The following TMEM91 variants were observed in gnomAD, a reference collection of about 807,000 sequenced individuals.
TMEM91 encodes transmembrane protein 91, also known as dispanin subfamily C member 3.
A neutral mutation model predicts 13.3 loss-of-function variants in TMEM91; 6 were observed. The ratio of observed to expected loss-of-function variants is 0.45; its 90% CI spans 0.25 to 0.89. The LOEUF (loss-of-function observed/expected upper bound fraction) is 0.89, where lower values mean the gene tolerates loss of function less well. Ranked by LOEUF, TMEM91 falls within the 40% of genes least tolerant of loss-of-function variation. The pLI, the probability that TMEM91 is intolerant of heterozygous loss-of-function variation, is 0.19. For missense variants in TMEM91, 193 were observed against 228.7 expected (o/e 0.84, Z 1.01); for synonymous variants, 87 against 101.7 (o/e 0.86, Z 0.87).
intron 3 of TMEM91, 82 bp from the exon 4 acceptor site, chr19:41,383,633 G>T (rs756259847): frequency 1.2e-6 from 2 of 1,613,980 alleles, no homozygotes; most frequent in Admixed American, 1.7e-5. Flanking sequence ...GAATGAATGG[G>T]TATGTTGGGT....
In TMEM91 at chr19:41,382,921, GGTCA is replaced by G; in HGVS notation, c.360+4_360+7del. The G allele has an allele frequency of 6.2e-7, 1 of 1,614,052 alleles. No homozygotes were observed. The highest frequency in any genetic ancestry group is 1.3e-5 in the African/African-American group (1 of 75,034). ...TCGCTGCCTTCTGTCTAGCCCAGAAGGTCAGTCTGTGTGTGGGACTTGGAGGGGA... is the reference window on the plus strand; with the variant it reads ...TCGCTGCCTTCTGTCTAGCCCAGAAGGTCTGTGTGTGGGACTTGGAGGGGA... On this transcript the variant is annotated splice_donor_variant and splice_donor_region_variant and intron_variant, in intron 3 of 3. Transcript: ENST00000392002. LOFTEE classifies it high-confidence loss of function.
chr19:41,383,542 GTTT>G, intron 3 of TMEM91, 170 bp from the exon 4 acceptor site: 1 of 1,575,936 alleles, frequency 6.3e-7, no homozygotes, highest in Non-Finnish European at 8.6e-7. Context: ...CCATTTTAAT[GTTT>G]TTATTAACCA....
chr19:41,381,076 CAAAAAAAA>C (rs1166323642), intron 2 of TMEM91, among the ~76,000 whole-genome samples: 577 of 52,852 alleles, frequency 0.011, 10 homozygotes, highest in African/African-American at 0.037. Flanking sequence ...GACTCTGTCT[CAAAAAAAA>C]AAAAAAAAAA....
chr19:41,367,815 T>G (rs901766670), intron 1 of TMEM91, among the ~76,000 whole-genome samples: 1 of 152,104 alleles, frequency 6.6e-6, no homozygotes, highest in Non-Finnish European at 1.5e-5. Context: ...TAATTTTTTC[T>G]GTAGAGACAT....
At chr19:41,373,518 G>A (rs764560197), upstream of TMEM91, among the ~76,000 whole-genome samples, 15 of 149,074 alleles carry the variant, frequency 1.0e-4, no homozygotes, top group Non-Finnish European at 1.8e-4. Flanking sequence ...GTGAAAAAAC[G>A]AGATCAAATC....
rs1568489526 is a variant in TMEM91 at position 41,371,382 on chromosome 19, CT to C, written c.-29-6897del. Among the ~76,000 whole-genome samples the C allele has an allele frequency of 1.0e-3, 150 of 144,972 alleles. 1 individual carries two copies. Among genetic ancestry groups the C allele is most frequent in the African/African-American group, 3.8e-3 (144 of 38,128 alleles). On this transcript the variant is annotated intron_variant, in intron 1 of 3. Coordinates refer to the TMEM91 transcript ENST00000413014. Reference sequence around the variant, plus strand: ...CCTTCCTTCCTTCTTTCCTTCCTTCCTTCTTTCCTTCCTCCCTCCCTCCCTC... The same window carrying C: ...CCTTCCTTCCTTCTTTCCTTCCTTCCTCTTTCCTTCCTCCCTCCCTCCCTC...
chr19:41,378,821 TGTGAGAGAGA>T (rs748400628), intron 2 of TMEM91, among the ~76,000 whole-genome samples: 16 of 144,332 alleles, frequency 1.1e-4, no homozygotes, highest in Middle Eastern at 3.5e-3. Flanking sequence ...TGTGTGTGTG[TGTGAGAGAGA>T]GAGAGAGAGA....
intron 2 of TMEM91, among the ~76,000 whole-genome samples, chr19:41,379,211 T>C (rs973875979): frequency 1.7e-4 from 24 of 144,918 alleles, no homozygotes; most frequent in African/African-American, 5.4e-4. Context: ...CCAGGCACAG[T>C]GGCTCACACT....
chr19:41,376,139 CAAAA>C (rs57948035), upstream of TMEM91: 86,746 of 151,176 alleles, frequency 0.57, 25,021 homozygotes, highest in Non-Finnish European at 0.6. Flanking sequence ...ACAAAACAAA[CAAAA>C]AAACCAAAGT....
In TMEM91 at chr19:41,364,687, C is replaced by T. The variant is rs74864344; in HGVS notation, c.-30+592C>T. Among the ~76,000 whole-genome samples, 1,067 of 152,194 alleles carry T rather than the reference C, an allele frequency of 7.0e-3. 8 individuals are homozygous for T. Among genetic ancestry groups the T allele is most frequent in the African/African-American group, 0.022 (932 of 41,516 alleles). Reference sequence around the variant, plus strand: ...CCAACTTCCTTCTCGGAGCTACTACCAAGTTCACTGTTACTGCTTGATTCT... The same window carrying T: ...CCAACTTCCTTCTCGGAGCTACTACTAAGTTCACTGTTACTGCTTGATTCT... On this transcript the variant is annotated intron_variant, in intron 1 of 3. Coordinates refer to the TMEM91 transcript ENST00000413014.
Position 41,368,618 on chromosome 19 carries a change from C to T in TMEM91, c.-30+4523C>T, listed in dbSNP as rs544669110. 7.8e-3 allele frequency among the ~76,000 whole-genome samples: 1,187 copies of T among 151,974 alleles called. 4 individuals are homozygous for T. The highest frequency in any genetic ancestry group is 0.011 in the Non-Finnish European group (742 of 67,926). On this transcript the variant is annotated intron_variant, in intron 1 of 3. Transcript: ENST00000413014. Reference sequence around the variant, plus strand: ...AGAGACGGGGTTTCACCATGTTGGCCAGGCTGGTCTTGAACTCCTGACCTC... The same window carrying T: ...AGAGACGGGGTTTCACCATGTTGGCTAGGCTGGTCTTGAACTCCTGACCTC...
chr19:41,369,413 C>T (rs897677024), intron 1 of TMEM91, among the ~76,000 whole-genome samples: 11 of 149,694 alleles, frequency 7.3e-5, no homozygotes, highest in Admixed American at 1.3e-4. Flanking sequence ...AGGCTGAAGC[C>T]GGAGGATGCC....
upstream of TMEM91, among the ~76,000 whole-genome samples, chr19:41,374,699 A>G (rs1461196751): frequency 1.3e-5 from 2 of 152,096 alleles, no homozygotes; most frequent in East Asian, 3.9e-4. Context: ...GAGCCTGGAA[A>G]GGGGCCAGGA....
Position 41,366,451 on chromosome 19 carries a change from C to T in TMEM91, c.-30+2356C>T, listed in dbSNP as rs1315047685. On this transcript the variant is annotated intron_variant, in intron 1 of 3. Coordinates refer to the TMEM91 transcript ENST00000413014. Reference sequence around the variant, plus strand: ...GACAGGGACCTTGTCTCTGGGGTCCCCTTTGCCAACCCCTCTAGTTTGCAC... The same window carrying T: ...GACAGGGACCTTGTCTCTGGGGTCCTCTTTGCCAACCCCTCTAGTTTGCAC... Among the ~76,000 whole-genome samples, 19 of 152,112 alleles carry T rather than the reference C, an allele frequency of 1.2e-4. 1 individual carries two copies. Among genetic ancestry groups the T allele is most frequent in the Non-Finnish European group, 4.4e-5 (3 of 68,024 alleles).
chr19:41,369,807 C>T (rs1479840309), intron 1 of TMEM91, among the ~76,000 whole-genome samples: 1 of 151,764 alleles, frequency 6.6e-6, no homozygotes, highest in Non-Finnish European at 1.5e-5. Context: ...GACTCTGTCT[C>T]AAAATAAATA....
chr19:41,381,685 T>A (rs2038891605), intron 2 of TMEM91, among the ~76,000 whole-genome samples: 2 of 151,872 alleles, frequency 1.3e-5, no homozygotes, highest in Admixed American at 6.6e-5. Flanking sequence ...AATTTTAAAT[T>A]TTTTTTTGTA....
At chr19:41,372,949 T>TTGTTTC (rs2123171438), upstream of TMEM91, among the ~76,000 whole-genome samples, 1 of 152,146 alleles carries the variant, frequency 6.6e-6, no homozygotes, top group Non-Finnish European at 1.5e-5. Context: ...GTTTTTGTTT[T>TTGTTTC]TGTTTTTGAG....
At chr19:41,364,139 T>C (rs543995581) in intron 1 of TMEM91, 1 of 164,050 alleles carries the variant, frequency 6.1e-6, no homozygotes, top group East Asian at 1.8e-4. Flanking sequence ...TTGGTTTCCG[T>C]GGTTGTTGCT....
chr19:41,382,740 A>G (rs1449067951), intron 2 of TMEM91, 32 bp from the exon 3 acceptor site: 1 of 1,602,524 alleles, frequency 6.2e-7, no homozygotes, highest in Non-Finnish European at 8.5e-7. Context: ...AGGTGGATGG[A>G]GATGCCCACC....
Sources: gnomAD v4.1 joint callset for allele counts (sites outside exome capture counted in the v4.1 genomes callset) on GRCh38, gnomAD v4.1.1 for gene constraint, MANE v1.5 for transcripts, NCBI Gene and HGNC (gene_info 2026-07-23, HGNC 2026-07-21) for gene names.